Variants in ANAPC4 observed in about 807,000 individuals in gnomAD.
The protein encoded by ANAPC4 is anaphase-promoting complex subunit 4.
In ANAPC4, 63 loss-of-function variants were observed where a neutral mutation model predicts 119.8. That is an observed-to-expected ratio of 0.53 (90% CI 0.43 to 0.65). The LOEUF (loss-of-function observed/expected upper bound fraction) is 0.65. ANAPC4 is among the 30% of genes least tolerant of loss of function. ANAPC4 has a pLI of 0.00. For synonymous variants in ANAPC4, 283 were observed against 318.6 expected (o/e 0.89, Z 1.19); for missense variants, 716 against 945.1 (o/e 0.76, Z 3.18).
chr4:25,407,492 C>G (rs1421397557), intron 20 of ANAPC4, among the ~76,000 whole-genome samples: 1 of 152,034 alleles, frequency 6.6e-6, no homozygotes, highest in Non-Finnish European at 1.5e-5. Flanking sequence ...ATCCCAGCTA[C>G]TTGGGAGGCT....
rs767117653 is a variant in ANAPC4, at chr4:25,405,524, A to G, written c.1271-49A>G. 7 of 1,496,562 alleles carry G rather than the reference A, an allele frequency of 4.7e-6. No individual in the cohort carries two copies. The highest frequency in any genetic ancestry group is 3.4e-5 in the Admixed American group (2 of 59,536). 92.7% of individuals were successfully genotyped at this position (1,496,562 alleles called of 1,614,324 possible). The stretch of plus-strand genomic sequence containing the variant: ...TTGAAATGTATTTATAATTAAAATT[A>G]TGTTTGTAGTTTGCTTTTAAAGATA... On this transcript the variant is annotated intron_variant, in intron 17 of 28. Transcript: ENST00000315368. This position sits in a 1 kb window ranked among gnomAD's most constrained non-coding sequence, Gnocchi z 4.6.
At position 25,385,214 on chromosome 4, in the gene ANAPC4, C is replaced by T. The variant is rs77904976; in HGVS notation, c.368+1821C>T. Among the ~76,000 whole-genome samples the T allele has an allele frequency of 2.5e-3, 378 of 152,332 alleles. 1 individual carries two copies. The highest frequency in any genetic ancestry group is 4.0e-3 in the Non-Finnish European group (271 of 68,036). On this transcript the variant is annotated intron_variant, in intron 4 of 28. Transcript: ENST00000315368. ...TTGAAGCTTTGAAGCCAGGCATTGA[C>T]TCCTCTCTAGCTATGAAAGTCCTAG...
intron 4 of ANAPC4, among the ~76,000 whole-genome samples, chr4:25,386,288 CTG>C (rs1722031010): frequency 6.6e-6 from 1 of 152,206 alleles, no homozygotes. Context: ...TTTCAGCTCA[CTG>C]TAGCCTCTGC....
chr4:25,383,096 C>G (rs1301365946), intron 3 of ANAPC4, among the ~76,000 whole-genome samples, 165 bp from the exon 4 acceptor site: 1 of 152,120 alleles, frequency 6.6e-6, no homozygotes, highest in East Asian at 1.9e-4. Context: ...ACAATATATG[C>G]AAATATTTCT....
chr4:25,381,513 T>C (rs1485772645), intron 3 of ANAPC4, among the ~76,000 whole-genome samples: 1 of 152,202 alleles, frequency 6.6e-6, no homozygotes, highest in Non-Finnish European at 1.5e-5. Context: ...GGTTTCACTG[T>C]GTTGGCCAGG....
rs781057647 is a variant in ANAPC4 at position 25,394,869 on chromosome 4, C to A, written c.1025C>A (p.Ser342Tyr). 8 of 1,612,736 alleles carry A rather than the reference C, an allele frequency of 5.0e-6. No individual in the cohort carries two copies. The highest frequency in any genetic ancestry group is 6.8e-6 in the Non-Finnish European group (8 of 1,179,618). The change falls in exon 14 of 29, where the codon TCC becomes TAC. Residue 342 changes from serine (S) to tyrosine (Y), a missense_variant. By Grantham distance (144) the Ser-to-Tyr change is moderately radical (BLOSUM62 -2). Around this residue, in one of 3 missense-constraint regions of ANAPC4, gnomAD observed 504 missense variants for 615.8 expected, o/e 0.82. Transcript: ENST00000315368. ...KLGQSIESSY[S>Y]SIQKLVISHL... ...GGCCAGTCTATAGAGTCATCATACT[C>A]CAGTATACAAAAATTGGTCATAAGT...
Position 25,407,348 on chromosome 4 carries a change from C to A in ANAPC4, c.1431+95C>A, listed in dbSNP as rs866779074. The A allele has an allele frequency of 2.1e-5, 18 of 874,692 alleles. No homozygotes were observed. The Middle Eastern group carries it at 1.8e-3, about 89-fold the overall frequency. 54.2% of individuals were successfully genotyped at this position (874,692 alleles called of 1,614,324 possible). A position where few individuals can be genotyped will look rare whatever the true frequency, so the allele number is the denominator to read the frequency against. On this transcript the variant is annotated intron_variant, in intron 20 of 28. Coordinates refer to ENST00000315368, the MANE Select transcript of ANAPC4 (RefSeq NM_013367.3). ...ATTACAATACCAAGTAATACAGGAT[C>A]TCTGCCCTTTTAGTAAAATTAACAA...
chr4:25,381,262 T>G (rs1278380279), intron 3 of ANAPC4, among the ~76,000 whole-genome samples: 3 of 152,116 alleles, frequency 2.0e-5, no homozygotes, highest in African/African-American at 7.3e-5. Context: ...AAGTGAATTG[T>G]TTTTGTAACA....
intron 18 of ANAPC4, among the ~76,000 whole-genome samples, chr4:25,406,624 G>A (rs188830480): frequency 1.1e-3 from 172 of 152,288 alleles, no homozygotes; most frequent in Middle Eastern, 0.01. Flanking sequence ...TGGAAGATGA[G>A]TTCACATGTT....
intron 28 of ANAPC4, 60 bp from the exon 29 acceptor site, chr4:25,418,095 A>T: frequency 1.4e-6 from 2 of 1,426,022 alleles, no homozygotes; most frequent in Non-Finnish European, 1.9e-6. Context: ...CTGATTTCTA[A>T]TTCTTTATAT....
intron 19 of ANAPC4, 94 bp from the exon 20 acceptor site, chr4:25,407,103 C>T: frequency 5.4e-6 from 6 of 1,103,520 alleles, no homozygotes; most frequent in Non-Finnish European, 6.6e-6. Context: ...CTGCCACTCA[C>T]AGCTCTCTTG....
intron 12 of ANAPC4, 148 bp from the exon 13 acceptor site, chr4:25,394,523 G>T (rs748557533): frequency 2.0e-6 from 2 of 1,016,362 alleles, no homozygotes; most frequent in African/African-American, 1.7e-5. Flanking sequence ...TACTTACGGG[G>T]TATATGTGAT....
At chr4:25,388,959 CA>C in intron 7 of ANAPC4, 77 bp downstream of exon 7, 1 of 1,210,224 alleles carries the variant, frequency 8.3e-7, no homozygotes, top group Non-Finnish European at 1.2e-6. Flanking sequence ...GCTTTAAGAG[CA>C]AATCCTTTAT....
Position 25,383,036 on chromosome 4 carries a change from G to T in ANAPC4, c.236-225G>T, listed in dbSNP as rs369576271. 7.2e-5 allele frequency among the ~76,000 whole-genome samples: 11 copies of T among 152,172 alleles called. No homozygotes were observed. The East Asian group carries it at 2.1e-3, about 29-fold the overall frequency. On this transcript the variant is annotated intron_variant, in intron 3 of 28. Transcript: ENST00000315368. ...AAGTGTGCTACGTGAGAAAGTAGTA[G>T]ATCTCCTATAAAGTTTGAGCACTTG... is the stretch of plus-strand genomic sequence containing the variant.
Position 25,377,325 on chromosome 4 carries a change from G to T in ANAPC4, c.-30G>T. The T allele has an allele frequency of 6.7e-7, 1 of 1,493,008 alleles. No individual in the cohort carries two copies. Among genetic ancestry groups the T allele is most frequent in the Non-Finnish European group, 9.0e-7 (1 of 1,109,862 alleles). The allele number at this position is 1,493,008 out of a possible 1,614,324, so 92.5% of individuals were successfully genotyped here. A position where few individuals can be genotyped will look rare whatever the true frequency, so the allele number is the denominator to read the frequency against. The stretch of plus-strand genomic sequence containing the variant: ...GAGGCCACTGGGGCCGTGTTAGTCT[G>T]CCGGTGGGGACTCTTGCAGGTACAG... On this transcript the variant is annotated 5_prime_UTR_variant, in exon 1 of 29. Transcript: ENST00000315368.
Position 25,388,746 on chromosome 4 carries a change from A to T in ANAPC4, c.470+3A>T, listed in dbSNP as rs1390849647. ...AGCAACACCTCAAAAATATTTAGGTAAGATACGCCTTTTCTTGTTTTCAAG... is the reference window on the plus strand; with the variant it reads ...AGCAACACCTCAAAAATATTTAGGTTAGATACGCCTTTTCTTGTTTTCAAG... On this transcript the variant is annotated splice_donor_region_variant and intron_variant, in intron 6 of 28. Transcript: ENST00000315368. 6.2e-7 allele frequency: 1 copy of T among 1,608,772 alleles called. No individual in the cohort carries two copies. Among genetic ancestry groups the T allele is most frequent in the Admixed American group, 1.7e-5 (1 of 59,556 alleles).
chr4:25,402,890 A>G (rs766152420), intron 16 of ANAPC4, 81 bp from the exon 17 acceptor site: 14 of 748,722 alleles, frequency 1.9e-5, no homozygotes, highest in Non-Finnish European at 3.0e-5. Context: ...AAGGATTATG[A>G]TATTTCCTGA....
chr4:25,411,549 T>C (rs1026715942), intron 21 of ANAPC4, among the ~76,000 whole-genome samples: 1 of 152,172 alleles, frequency 6.6e-6, no homozygotes, highest in African/African-American at 2.4e-5. Context: ...CAGTATTGTG[T>C]GGTGGGTAAA....
chr4:25,417,607 C>T lies in ANAPC4; in HGVS notation c.2076-9C>T, dbSNP rs1198966993. 2 of 1,568,052 alleles carry T rather than the reference C, an allele frequency of 1.3e-6. No homozygotes were observed. Among genetic ancestry groups the T allele is most frequent in the Non-Finnish European group, 8.6e-7 (1 of 1,161,640 alleles). On this transcript the variant is annotated splice_polypyrimidine_tract_variant and intron_variant, in intron 27 of 28. Transcript: ENST00000315368. ...TTTCATTCCTGAGTTGGTTTTTTTC[C>T]CTCTTTAGGCTAGATGAACAGTGTA...
Sources: allele counts gnomAD v4.1 joint callset (sites outside exome capture counted in the v4.1 genomes callset), GRCh38; gene constraint gnomAD v4.1.1; regional missense constraint gnomAD v4.1.1; non-coding constraint Gnocchi (gnomAD v3.1); transcripts MANE v1.5; gene names NCBI Gene and HGNC (gene_info 2026-07-23, HGNC 2026-07-21).